Variants in TUSC3 observed in about 807,000 individuals in gnomAD.
TUSC3 encodes the protein dolichyl-diphosphooligosaccharide--protein glycosyltransferase subunit TUSC3.
In TUSC3, 45 loss-of-function variants were observed where a neutral mutation model predicts 44.8. The ratio of observed to expected loss-of-function variants is 1.00; its 90% CI spans 0.79 to 1.29. The LOEUF (loss-of-function observed/expected upper bound fraction) is 1.29, where lower values mean the gene tolerates loss of function less well. Ranked by LOEUF, TUSC3 falls within the 50% of genes most tolerant of loss-of-function variation. The pLI is 0.00. For synonymous variants in TUSC3, 212 were observed against 152.9 expected, an observed-to-expected ratio of 1.39 and a Z score of -2.85; for missense variants, 519 against 437.9, an observed-to-expected ratio of 1.19 and a Z score of -1.65.
chr8:15,818,384 T>C, the TUSC3 span, among the ~76,000 whole-genome samples: 1 of 152,228 alleles, frequency 6.6e-6, no homozygotes, highest in Non-Finnish European at 1.5e-5. Flanking sequence ...TAAATTATTA[T>C]TGTACTTTCA....
intron 5 of TUSC3, among the ~76,000 whole-genome samples, chr8:15,670,373 A>T (rs1413302103): frequency 6.6e-6 from 1 of 151,886 alleles, no homozygotes; most frequent in African/African-American, 2.4e-5. Context: ...AACAGAATCT[A>T]TAGTCCAGAA....
chr8:15,838,458 C>T, the TUSC3 span, among the ~76,000 whole-genome samples: 1 of 152,122 alleles, frequency 6.6e-6, no homozygotes, highest in South Asian at 2.1e-4. Flanking sequence ...CTACCATTAC[C>T]CCTCTTTTCA....
At chr8:15,780,610 T>C in the TUSC3 span, among the ~76,000 whole-genome samples, 28 of 152,220 alleles carry the variant, frequency 1.8e-4, no homozygotes, top group South Asian at 2.5e-3. Context: ...CTGACTAGTC[T>C]GCATCAGAGA....
intron 2 of TUSC3, among the ~76,000 whole-genome samples, chr8:15,523,550 T>C (rs1801325985): frequency 6.6e-6 from 1 of 151,166 alleles, no homozygotes; most frequent in African/African-American, 2.4e-5. Context: ...TAATAGCATG[T>C]TAAATAATTT....
intron 1 of TUSC3, among the ~76,000 whole-genome samples, chr8:15,601,195 T>C (rs927067764): frequency 4.6e-5 from 7 of 151,744 alleles, no homozygotes; most frequent in African/African-American, 1.7e-4. Flanking sequence ...AAGAGTATTA[T>C]TTTGACAGGC....
intron 5 of TUSC3, among the ~76,000 whole-genome samples, chr8:15,670,599 A>G (rs1025142865): frequency 2.0e-5 from 3 of 151,944 alleles, no homozygotes; most frequent in Non-Finnish European, 4.4e-5. Context: ...AAGCATGGAT[A>G]TGTATCTCCA....
At chr8:15,803,950 C>T in the TUSC3 span, among the ~76,000 whole-genome samples, 3 of 152,094 alleles carry the variant, frequency 2.0e-5, no homozygotes, top group African/African-American at 4.8e-5. Context: ...AGTCTATCAT[C>T]GATGGGCATT....
At chr8:15,541,618 T>G (rs149277765) in intron 1 of TUSC3, among the ~76,000 whole-genome samples, 19 of 152,320 alleles carry the variant, frequency 1.2e-4, no homozygotes, top group African/African-American at 4.1e-4. Context: ...CAATTTTAAC[T>G]AATGTACCTC....
intron 10 of TUSC3, among the ~76,000 whole-genome samples, chr8:15,762,694 T>G (rs1812209269): frequency 6.6e-6 from 1 of 152,150 alleles, no homozygotes; most frequent in Non-Finnish European, 1.5e-5. Flanking sequence ...TCTTTTTTCA[T>G]TAACCCTCAT....
At chr8:15,476,579 G>A (rs1800577661) in intron 1 of TUSC3, among the ~76,000 whole-genome samples, 2 of 152,310 alleles carry the variant, frequency 1.3e-5, no homozygotes, top group South Asian at 4.1e-4. Flanking sequence ...TCTGTTACCA[G>A]GGGTGGGTGT....
intron 10 of TUSC3, chr8:15,758,093 A>T (rs1812007407): frequency 7.8e-7 from 1 of 1,286,040 alleles, no homozygotes; most frequent in African/African-American, 1.5e-5. Flanking sequence ...CATTTGACAG[A>T]TGCAATGCTT....
intron 2 of TUSC3, among the ~76,000 whole-genome samples, chr8:15,531,506 C>T (rs1457546191): frequency 6.6e-6 from 1 of 152,214 alleles, no homozygotes; most frequent in Non-Finnish European, 1.5e-5. Context: ...CCTGCCTCGG[C>T]CTCCCAAAGT....
intron 1 of TUSC3, 52 bp downstream of exon 1, chr8:15,540,620 G>C (rs1801651346): frequency 6.7e-7 from 1 of 1,486,654 alleles, no homozygotes; most frequent in Admixed American, 2.1e-5. Context: ...GGCCAGGGTG[G>C]GCCGCGTTGC....
the TUSC3 span, among the ~76,000 whole-genome samples, chr8:15,798,274 C>T: frequency 1.3e-5 from 2 of 152,196 alleles, no homozygotes; most frequent in Non-Finnish European, 2.9e-5. Context: ...TGAACACTTC[C>T]CCAACCTCAT....
chr8:15,473,519 C>T (rs186232569), intron 1 of TUSC3, among the ~76,000 whole-genome samples: 1 of 152,304 alleles, frequency 6.6e-6, no homozygotes, highest in Non-Finnish European at 1.5e-5. Context: ...GAACCCACCC[C>T]CACTATTTCA....
chr8:15,554,505 T>G (rs1802169050), intron 1 of TUSC3, among the ~76,000 whole-genome samples: 1 of 151,652 alleles, frequency 6.6e-6, no homozygotes, highest in South Asian at 2.1e-4. Flanking sequence ...TTTTATTTAT[T>G]TATTTTTAAA....
Position 15,540,477 on chromosome 8 carries a change from G to A in TUSC3, c.47G>A (p.Arg16Gln), listed in dbSNP as rs1219513074. The part of the protein sequence containing the change: ...APSRRRQAGR[R>Q]LRYLPTGSFP... ...TCACGCCGTAGGCAAGCGGGGCGGC[G>A]GCTGCGGTACCTGCCCACCGGGAGC... The change falls in exon 1 of 11, where the codon CGG becomes CAG. Residue 16 changes from arginine (R) to glutamine (Q), a missense_variant. Arg to Gln is a conservative substitution (Grantham distance 43). Transcript: ENST00000503731. 3 of 1,607,692 alleles carry A rather than the reference G, an allele frequency of 1.9e-6. No homozygotes were observed. Among genetic ancestry groups the A allele is most frequent in the Middle Eastern group, 1.7e-4 (1 of 5,996 alleles).
chr8:15,531,611 C>T (rs1255577712), intron 2 of TUSC3, among the ~76,000 whole-genome samples: 2 of 152,164 alleles, frequency 1.3e-5, no homozygotes, highest in African/African-American at 4.8e-5. Context: ...TCTTCTTCTG[C>T]CTTATGCCCC....
At chr8:15,611,399 G>C (rs1299603132) in intron 1 of TUSC3, among the ~76,000 whole-genome samples, 1 of 152,156 alleles carries the variant, frequency 6.6e-6, no homozygotes, top group Non-Finnish European at 1.5e-5. Context: ...ATGTTGGCTA[G>C]GGTGGTCTCA....
Sources: allele counts gnomAD v4.1 joint callset (sites outside exome capture counted in the v4.1 genomes callset), GRCh38; gene constraint gnomAD v4.1.1; transcripts MANE v1.5; gene names NCBI Gene and HGNC (gene_info 2026-07-23, HGNC 2026-07-21).